PCDH15: variants seen among roughly 807,000 people sequenced by gnomAD.
PCDH15 encodes the protein protocadherin related 15, also known as protocadherin-15.
Under a neutral mutation model 178.5 loss-of-function variants are expected in PCDH15, and 129 were observed. That is an observed-to-expected ratio of 0.72 (90% CI 0.63 to 0.84). The LOEUF is 0.84. Ranked by LOEUF, PCDH15 falls within the 40% of genes least tolerant of loss-of-function variation. PCDH15 has a pLI of 0.00. For synonymous variants in PCDH15, 800 were observed against 732.0 expected, an observed-to-expected ratio of 1.09 and a Z score of -1.50; for missense variants, 2,230 against 2,099.9, an observed-to-expected ratio of 1.06 and a Z score of -1.21.
chr10:54,461,488 A>G (rs924141468), intron 3 of PCDH15, among the ~76,000 whole-genome samples: 19 of 152,168 alleles, frequency 1.2e-4, no homozygotes, highest in African/African-American at 3.9e-4. Flanking sequence ...ATTTGAGATT[A>G]GACCATCTCT....
chr10:54,370,986 T>C (rs1947575373), intron 4 of PCDH15, among the ~76,000 whole-genome samples: 1 of 151,876 alleles, frequency 6.6e-6, no homozygotes, highest in African/African-American at 2.4e-5. Flanking sequence ...AAATCACACA[T>C]AGCTCTGTGT....
intron 1 of PCDH15, among the ~76,000 whole-genome samples, chr10:55,218,300 T>C (rs1840765176): frequency 6.6e-6 from 1 of 151,988 alleles, no homozygotes; most frequent in African/African-American, 2.4e-5. Context: ...GTGAAATCTA[T>C]GGAGTACATT....
At chr10:55,163,612 C>T (rs192985576) in intron 2 of PCDH15, among the ~76,000 whole-genome samples, 382 of 152,196 alleles carry the variant, frequency 2.5e-3, no homozygotes, top group African/African-American at 8.4e-3. Context: ...AAACAGATTA[C>T]GGTAAAGAAG....
intron 2 of PCDH15, among the ~76,000 whole-genome samples, chr10:55,561,658 A>T (rs1300647589): frequency 6.6e-6 from 1 of 151,876 alleles, no homozygotes; most frequent in South Asian, 2.1e-4. Context: ...TAAGACAAAC[A>T]TCTTACCTGG....
intron 2 of PCDH15, among the ~76,000 whole-genome samples, chr10:54,903,495 A>C (rs1484370040): frequency 6.6e-6 from 1 of 152,126 alleles, no homozygotes; most frequent in African/African-American, 2.4e-5. Flanking sequence ...GTCACATATA[A>C]TATTGTAACT....
At chr10:54,410,045 T>G (rs1284701325) in intron 3 of PCDH15, among the ~76,000 whole-genome samples, 2 of 152,128 alleles carry the variant, frequency 1.3e-5, no homozygotes, top group Admixed American at 1.3e-4. Context: ...TCACACCTGG[T>G]TTTGTCTATA....
At chr10:55,481,858 C>A (rs1416616047) in intron 2 of PCDH15, among the ~76,000 whole-genome samples, 2 of 151,614 alleles carry the variant, frequency 1.3e-5, no homozygotes, top group African/African-American at 2.4e-5. Flanking sequence ...TGCATTTGAT[C>A]CAGCACTGAG....
chr10:53,897,959 C>CTTTTTTTTTTTTTT (rs66513139), intron 26 of PCDH15, among the ~76,000 whole-genome samples: 22 of 82,406 alleles, frequency 2.7e-4, no homozygotes, highest in East Asian at 2.3e-3. Context: ...TTTCTTTTCC[C>CTTTTTTTTTTTTTT]TTTTTTTTTT....
intron 2 of PCDH15, among the ~76,000 whole-genome samples, chr10:55,025,330 T>C (rs1326557567): frequency 6.6e-6 from 1 of 152,178 alleles, no homozygotes; most frequent in Non-Finnish European, 1.5e-5. Context: ...CTTCTTTGTG[T>C]TCCCTCCTAT....
At chr10:54,591,006 A>G (rs184686887) in intron 2 of PCDH15, among the ~76,000 whole-genome samples, 1 of 152,276 alleles carries the variant, frequency 6.6e-6, no homozygotes, top group East Asian at 1.9e-4. Context: ...AAATAATACC[A>G]TTAGCAGAGG....
chr10:55,181,332 T>C (rs901148391), intron 1 of PCDH15, among the ~76,000 whole-genome samples: 1 of 152,156 alleles, frequency 6.6e-6, no homozygotes, highest in Middle Eastern at 3.4e-3. Flanking sequence ...ATTAAACAAA[T>C]GGGTTACCAA....
intron 18 of PCDH15, among the ~76,000 whole-genome samples, chr10:54,063,818 G>A (rs772430341): frequency 1.3e-5 from 2 of 152,140 alleles, no homozygotes; most frequent in Non-Finnish European, 2.9e-5. Context: ...AGCTCCAGCC[G>A]CCCTCTCCCA....
chr10:55,574,698 T>C (rs576213437), intron 2 of PCDH15, among the ~76,000 whole-genome samples: 12 of 152,038 alleles, frequency 7.9e-5, no homozygotes, highest in African/African-American at 2.9e-4. Context: ...AAGAAAAATA[T>C]GGTGATAGTA....
chr10:55,591,987 T>C (rs1842850566), intron 2 of PCDH15, among the ~76,000 whole-genome samples: 1 of 152,134 alleles, frequency 6.6e-6, no homozygotes, highest in Admixed American at 6.6e-5. Context: ...ATTAAAGTGA[T>C]AAGGATTTTC....
At chr10:54,412,240 AAATATATATTTATATTTT>A (rs1472114657) in intron 3 of PCDH15, among the ~76,000 whole-genome samples, 1 of 149,284 alleles carries the variant, frequency 6.7e-6, no homozygotes, top group African/African-American at 2.4e-5. Context: ...ACATCTTCTT[AAATATATATTTATATTTT>A]AATATATATT....
At chr10:54,479,432 C>A (rs1018650969) in intron 3 of PCDH15, among the ~76,000 whole-genome samples, 1 of 151,822 alleles carries the variant, frequency 6.6e-6, no homozygotes, top group African/African-American at 2.4e-5. Flanking sequence ...TAATACTATG[C>A]TTTACTAATT....
intron 2 of PCDH15, among the ~76,000 whole-genome samples, chr10:55,121,455 A>C (rs1357516894): frequency 2.6e-5 from 4 of 152,112 alleles, no homozygotes; most frequent in African/African-American, 9.7e-5. Flanking sequence ...AGTTGATGCC[A>C]GAATGAGTTA....
chr10:54,331,099 A>T (rs888906037), intron 6 of PCDH15, among the ~76,000 whole-genome samples: 6 of 151,494 alleles, frequency 4.0e-5, no homozygotes, highest in African/African-American at 1.5e-4. Flanking sequence ...AGAGAGAGAG[A>T]GTGTTCACAC....
chr10:53,819,550 A>T (rs1222657240), intron 33 of PCDH15, among the ~76,000 whole-genome samples: 3 of 151,994 alleles, frequency 2.0e-5, no homozygotes, highest in Non-Finnish European at 4.4e-5. Flanking sequence ...CAATTGTATT[A>T]TTTATTTTAT....
Sources: gnomAD v4.1 joint callset for allele counts (sites outside exome capture counted in the v4.1 genomes callset) on GRCh38, gnomAD v4.1.1 for gene constraint, MANE v1.5 for transcripts, NCBI Gene and HGNC (gene_info 2026-07-23, HGNC 2026-07-21) for gene names.